Variants in SKI observed in about 807,000 individuals in gnomAD.
SKI encodes SKI proto-oncogene.
In SKI, 23 loss-of-function variants were observed where a neutral mutation model predicts 59.3. The ratio of observed to expected loss-of-function variants is 0.39; its 90% CI spans 0.28 to 0.55. The LOEUF (loss-of-function observed/expected upper bound fraction) is 0.55, where lower values mean the gene tolerates loss of function less well. Ranked by LOEUF, SKI falls within the 20% of genes least tolerant of loss-of-function variation. The pLI is 0.67. For missense variants in SKI, 1,017 were observed against 1,038.9 expected (o/e 0.98, Z 0.29); for synonymous variants, 673 against 488.6 (o/e 1.38, Z -4.98).
At chr1:2,248,696 C>T (rs1639051204) in intron 1 of SKI, among the ~76,000 whole-genome samples, 1 of 152,260 alleles carries the variant, frequency 6.6e-6, no homozygotes, top group South Asian at 2.1e-4. Context: ...AAAGTCACTG[C>T]AGCTGGGTTT....
At chr1:2,296,578 T>C (rs1443168130) in intron 1 of SKI, among the ~76,000 whole-genome samples, 1 of 152,232 alleles carries the variant, frequency 6.6e-6, no homozygotes, top group Non-Finnish European at 1.5e-5. Flanking sequence ...GGTTGTGTTT[T>C]GTGTTTTCCT....
chr1:2,229,444 C>G lies in SKI; in HGVS notation c.678C>G (p.Gly226=), dbSNP rs1484408842. The part of the protein sequence containing the change: ...RSVRVYHECF[G]KCKGLLVPEL... ...TCCGCGTGTACCACGAGTGCTTCGG[C>G]AAGTGTAAGGGGCTGCTGGTGCCCG... The change falls in exon 1 of 7, where the codon GGC becomes GGG. Residue 226 remains glycine (G), a synonymous_variant. Transcript: ENST00000378536. This position sits in a 1 kb window ranked among gnomAD's most constrained non-coding sequence, Gnocchi z 6.3. 1 of 1,612,006 alleles carries G rather than the reference C, an allele frequency of 6.2e-7. No individual in the cohort carries two copies. The highest frequency in any genetic ancestry group is 1.7e-5 in the Admixed American group (1 of 59,952).
At position 2,292,280 on chromosome 1, in the gene SKI, T is replaced by C. The variant is rs148094611; in HGVS notation, c.970-10698T>C. On this transcript the variant is annotated intron_variant, in intron 1 of 6. Coordinates refer to ENST00000378536, the MANE Select transcript of SKI (RefSeq NM_003036.4). ...CACAGCCCACCTTGGGCTTTTGGGG[T>C]TCGGGCTTTTGGAGTTTGTCCAGGC... 5.9e-5 allele frequency among the ~76,000 whole-genome samples: 9 copies of C among 152,256 alleles called. No homozygotes were observed. In the East Asian group the frequency reaches 7.7e-4, roughly 13 times the overall value.
intron 1 of SKI, among the ~76,000 whole-genome samples, chr1:2,295,904 C>T (rs1640274004): frequency 6.6e-6 from 1 of 152,160 alleles, no homozygotes; most frequent in Admixed American, 6.5e-5. Context: ...CACAAGCTGT[C>T]GTGTGGATGT....
chr1:2,277,816 G>A (rs927722137), intron 1 of SKI, among the ~76,000 whole-genome samples: 12 of 137,890 alleles, frequency 8.7e-5, no homozygotes, highest in Admixed American at 7.4e-4. Context: ...CTGCACTCAC[G>A]CACACACCTG....
At chr1:2,273,984 T>C (rs1639686243) in intron 1 of SKI, among the ~76,000 whole-genome samples, 1 of 152,044 alleles carries the variant, frequency 6.6e-6, no homozygotes, top group Non-Finnish European at 1.5e-5. Flanking sequence ...CACAACAGTG[T>C]CCTGGTCGCC....
In SKI at chr1:2,229,457, C is replaced by T. The variant is rs1191109372; in HGVS notation, c.691C>T (p.Leu231=). 6 of 1,612,002 alleles carry T rather than the reference C, an allele frequency of 3.7e-6. No individual in the cohort carries two copies. Among genetic ancestry groups the T allele is most frequent in the Non-Finnish European group, 5.1e-6 (6 of 1,179,838 alleles). ...CGAGTGCTTCGGCAAGTGTAAGGGG[C>T]TGCTGGTGCCCGAGCTCTACAGCAG... The part of the protein sequence containing the change: ...YHECFGKCKG[L]LVPELYSSPS... The change falls in exon 1 of 7, where the codon CTG becomes TTG. Residue 231 remains leucine (L), a synonymous_variant. Coordinates refer to ENST00000378536, the MANE Select transcript of SKI (RefSeq NM_003036.4). The surrounding 1 kb of genome is among the most constrained non-coding windows in gnomAD (Gnocchi z 6.3).
intron 1 of SKI, among the ~76,000 whole-genome samples, chr1:2,253,535 A>G (rs1008968191): frequency 2.0e-5 from 3 of 152,258 alleles, no homozygotes; most frequent in African/African-American, 7.2e-5. Flanking sequence ...TGTTCCTGTC[A>G]GCCCTTCCTG....
rs372786242 is a variant in SKI, at chr1:2,243,956, TTTTC to T, written c.969+14241_969+14244del. Among the ~76,000 whole-genome samples, 106 of 151,754 alleles carry T rather than the reference TTTTC, an allele frequency of 7.0e-4. 2 individuals carry two copies. Among genetic ancestry groups the T allele is most frequent in the Admixed American group, 2.8e-3 (42 of 15,242 alleles). Reference sequence around the variant, plus strand: ...AAAGGTGGGATTGTTTTACCCAAACTTTTCTTTCTTTCTTTCTTTCTTTTTTTGA... The same window carrying T: ...AAAGGTGGGATTGTTTTACCCAAACTTTTCTTTCTTTCTTTCTTTTTTTGA... On this transcript the variant is annotated intron_variant, in intron 1 of 6. Transcript: ENST00000378536.
In SKI at chr1:2,304,260, A is replaced by G. The variant is rs1026258694; in HGVS notation, c.1475-33A>G. 3.9e-6 allele frequency: 6 copies of G among 1,551,658 alleles called. No homozygotes were observed. In the African/African-American group the frequency reaches 4.1e-5, roughly 11 times the overall value. On this transcript the variant is annotated intron_variant, in intron 4 of 6. Coordinates refer to ENST00000378536, the MANE Select transcript of SKI (RefSeq NM_003036.4). Reference sequence around the variant, plus strand: ...TGGTGTGGAGCTGCCGGGCACTTCCATGACTTTGTTTCTGTCTCTGCTTCC... The same window carrying G: ...TGGTGTGGAGCTGCCGGGCACTTCCGTGACTTTGTTTCTGTCTCTGCTTCC...
At chr1:2,262,403 A>G (rs1389313975) in intron 1 of SKI, among the ~76,000 whole-genome samples, 96 of 95,780 alleles carry the variant, frequency 1.0e-3, no homozygotes, top group Admixed American at 1.2e-3. Flanking sequence ...TGATCTCCTG[A>G]TCTGGAAGGC....
chr1:2,268,886 C>T lies in SKI; in HGVS notation c.970-34092C>T, dbSNP rs1442290234. Among the ~76,000 whole-genome samples the T allele has an allele frequency of 6.6e-6, 1 of 151,304 alleles. No individual in the cohort carries two copies. The highest frequency in any genetic ancestry group is 1.5e-5 in the Non-Finnish European group (1 of 67,866). ...CTCCCTTCTGCCTTTCCCCTTTATC[C>T]TTTCCCCCCTTCCATGTCCATTTCC... On this transcript the variant is annotated intron_variant, in intron 1 of 6. Transcript: ENST00000378536. The surrounding 1 kb of genome is among the most constrained non-coding windows in gnomAD (Gnocchi z 5.0).
At position 2,269,807 on chromosome 1, in the gene SKI, C is replaced by T. The variant is rs1199403527; in HGVS notation, c.970-33171C>T. Among the ~76,000 whole-genome samples, 1 of 151,618 alleles carries T rather than the reference C, an allele frequency of 6.6e-6. No individual in the cohort carries two copies. Among genetic ancestry groups the T allele is most frequent in the Non-Finnish European group, 1.5e-5 (1 of 67,912 alleles). ...GTACCTGTGGCTGGCGTGGGTCTGGCGGGTCTGGTGGTGCCTGTGGCTGGC... is the reference window on the plus strand; with the variant it reads ...GTACCTGTGGCTGGCGTGGGTCTGGTGGGTCTGGTGGTGCCTGTGGCTGGC... On this transcript the variant is annotated intron_variant, in intron 1 of 6. Transcript: ENST00000378536. The surrounding 1 kb of genome is among the most constrained non-coding windows in gnomAD (Gnocchi z 4.7).
chr1:2,302,901 T>C, intron 1 of SKI, 77 bp from the exon 2 acceptor site: 1 of 1,588,872 alleles, frequency 6.3e-7, no homozygotes. Flanking sequence ...CTGACTGCCA[T>C]GTGCCAGCCA....
intron 1 of SKI, among the ~76,000 whole-genome samples, chr1:2,300,375 A>G (rs975951267): frequency 1.3e-5 from 2 of 151,714 alleles, no homozygotes; most frequent in African/African-American, 4.8e-5. Context: ...GTGGGCTCCA[A>G]GGGCGGGTTT....
chr1:2,257,135 G>A (rs975096046), intron 1 of SKI, among the ~76,000 whole-genome samples: 3 of 152,208 alleles, frequency 2.0e-5, no homozygotes, highest in African/African-American at 7.2e-5. Context: ...CTATCTCTTT[G>A]TAAAAGCTCC....
chr1:2,307,019 C>G lies in SKI; in HGVS notation c.*254C>G, dbSNP rs768180847. Reference sequence around the variant, plus strand: ...GGGCCAGCTCGGCGGCCTGCTGGTCCTCTGCTTGCTGGAACATTCTAACAT... The same window carrying G: ...GGGCCAGCTCGGCGGCCTGCTGGTCGTCTGCTTGCTGGAACATTCTAACAT... On this transcript the variant is annotated 3_prime_UTR_variant, in exon 7 of 7. Coordinates refer to ENST00000378536, the MANE Select transcript of SKI (RefSeq NM_003036.4). 2 of 295,516 alleles carry G rather than the reference C, an allele frequency of 6.8e-6. No homozygotes were observed. The highest frequency in any genetic ancestry group is 1.2e-5 in the Non-Finnish European group (2 of 160,124). The allele number at this position is 295,516 out of a possible 1,614,324, so 18.3% of individuals were successfully genotyped here. A position where few individuals can be genotyped will look rare whatever the true frequency, so the allele number is the denominator to read the frequency against.
rs1360230111 is a variant in SKI at position 2,269,959 on chromosome 1, G to A, written c.970-33019G>A. ...GGCTGGCGTGGGTCTGGCGGGTCTCGTGGTGCCTGTGGCTGGCGTGGGTCT... is the reference window on the plus strand; with the variant it reads ...GGCTGGCGTGGGTCTGGCGGGTCTCATGGTGCCTGTGGCTGGCGTGGGTCT... On this transcript the variant is annotated intron_variant, in intron 1 of 6. Coordinates refer to ENST00000378536, the MANE Select transcript of SKI (RefSeq NM_003036.4). The surrounding 1 kb of genome is among the most constrained non-coding windows in gnomAD (Gnocchi z 4.7). Among the ~76,000 whole-genome samples, 9 of 131,122 alleles carry A rather than the reference G, an allele frequency of 6.9e-5. No homozygotes were observed. The highest frequency in any genetic ancestry group is 2.1e-4 in the African/African-American group (7 of 34,048). The allele number at this position is 131,122 out of a possible 152,430, so 86.0% of individuals were successfully genotyped here. A position where few individuals can be genotyped will look rare whatever the true frequency, so the allele number is the denominator to read the frequency against.
intron 1 of SKI, chr1:2,240,782 T>A: frequency 5.1e-6 from 5 of 985,384 alleles, no homozygotes; most frequent in Non-Finnish European, 6.0e-6. Context: ...ATCCTGTTGT[T>A]CGTGAGTCAG....
Sources: allele counts gnomAD v4.1 joint callset (sites outside exome capture counted in the v4.1 genomes callset), GRCh38; gene constraint gnomAD v4.1.1; non-coding constraint Gnocchi (gnomAD v3.1); transcripts MANE v1.5; gene names NCBI Gene and HGNC (gene_info 2026-07-23, HGNC 2026-07-21).